Variants in PCDHGA6 observed in about 807,000 individuals in gnomAD.
PCDHGA6 encodes the protein protocadherin gamma subfamily A, 6, also known as protocadherin gamma-A6.
In PCDHGA6, 41 loss-of-function variants were observed where a neutral mutation model predicts 60.6. The observed-to-expected ratio is 0.68, with a 90% CI of 0.53 to 0.88. The LOEUF (loss-of-function observed/expected upper bound fraction) is 0.88. Ranked by LOEUF, PCDHGA6 falls within the 40% of genes least tolerant of loss-of-function variation. The probability of loss-of-function intolerance (pLI) is 0.00; values close to 1 mark genes in which losing one functional copy is unlikely to be tolerated. For synonymous variants in PCDHGA6, 594 were observed against 524.4 expected, an observed-to-expected ratio of 1.13 and a Z score of -1.81; for missense variants, 1,312 against 1,203.0, an observed-to-expected ratio of 1.09 and a Z score of -1.34.
chr5:141,485,734 C>T lies in PCDHGA6; in HGVS notation c.2425-9073C>T. ...CACTGGATGTGAAGAAGCGCAGCGACGGCAGCCTGGTCCCAGAGCTGCTCC... is the reference window on the plus strand; with the variant it reads ...CACTGGATGTGAAGAAGCGCAGCGATGGCAGCCTGGTCCCAGAGCTGCTCC... On this transcript the variant is annotated intron_variant, in intron 1 of 3. Transcript: ENST00000517434. This position sits in a 1 kb window ranked among gnomAD's most constrained non-coding sequence, Gnocchi z 5.7. The T allele has an allele frequency of 6.2e-7, 1 of 1,614,210 alleles. No individual in the cohort carries two copies. The highest frequency in any genetic ancestry group is 8.5e-7 in the Non-Finnish European group (1 of 1,180,028).
At chr5:141,422,292 T>C in intron 1 of PCDHGA6, 1 of 1,552,434 alleles carries the variant, frequency 6.4e-7, no homozygotes. Context: ...CTTCTATTAA[T>C]TCAATTCTGG....
intron 1 of PCDHGA6, chr5:141,394,806 G>A: frequency 6.2e-7 from 1 of 1,613,852 alleles, no homozygotes; most frequent in Non-Finnish European, 8.5e-7. Flanking sequence ...CGTAGCCGTG[G>A]CTGACAGCAT....
chr5:141,390,537 A>G (rs565157857), intron 1 of PCDHGA6: 629 of 520,554 alleles, frequency 1.2e-3, no homozygotes, highest in Non-Finnish European at 1.9e-3. Context: ...GGTTTTAACC[A>G]CAAAGTGAAA....
intron 1 of PCDHGA6, chr5:141,398,921 C>A: frequency 6.2e-7 from 1 of 1,613,962 alleles, no homozygotes; most frequent in African/African-American, 1.3e-5. Flanking sequence ...TTGCAAGTGT[C>A]AGCCACTGAC....
intron 1 of PCDHGA6, chr5:141,389,407 A>C: frequency 6.2e-7 from 1 of 1,613,616 alleles, no homozygotes; most frequent in Non-Finnish European, 8.5e-7. Flanking sequence ...ATAAGCGCGG[A>C]GAGCGGGGTG....
intron 1 of PCDHGA6, among the ~76,000 whole-genome samples, chr5:141,483,631 T>C (rs973545851): frequency 2.7e-5 from 4 of 149,022 alleles, no homozygotes; most frequent in African/African-American, 1.0e-4. Flanking sequence ...TGGGAGAAGG[T>C]ATAGAGGGGT....
chr5:141,468,093 G>C (rs1319825848), intron 1 of PCDHGA6, among the ~76,000 whole-genome samples: 2 of 152,112 alleles, frequency 1.3e-5, no homozygotes, highest in Non-Finnish European at 2.9e-5. Flanking sequence ...GGGAGGTTGA[G>C]GCAGGCAGAT....
intron 2 of PCDHGA6, among the ~76,000 whole-genome samples, chr5:141,500,182 A>T (rs1050067271): frequency 4.6e-5 from 6 of 131,718 alleles, no homozygotes; most frequent in African/African-American, 1.9e-4. Context: ...CTTCATTTTT[A>T]TTTTTATTTA....
chr5:141,419,769 CGGT>C, intron 1 of PCDHGA6: 1 of 1,614,006 alleles, frequency 6.2e-7, no homozygotes, highest in Non-Finnish European at 8.5e-7. Context: ...GACAAGGACT[CGGT>C]CCGCCAGCGC....
chr5:141,383,357 C>A lies in PCDHGA6; in HGVS notation c.2424+6850C>A, dbSNP rs769784659. The A allele has an allele frequency of 9.9e-6, 16 of 1,613,956 alleles. No homozygotes were observed. The South Asian group carries it at 1.8e-4, about 18-fold the overall frequency. ...AATACAGCTCCTGGGGTTCGGTTTC[C>A]GTTAAGCGAGGCTGGGGATCCAGAT... On this transcript the variant is annotated intron_variant, in intron 1 of 3. Transcript: ENST00000517434.
chr5:141,399,018 T>C lies in PCDHGA6; in HGVS notation c.2424+22511T>C. 5 of 1,613,892 alleles carry C rather than the reference T, an allele frequency of 3.1e-6. No individual in the cohort carries two copies. The South Asian group carries it at 3.3e-5, about 11-fold the overall frequency. On this transcript the variant is annotated intron_variant, in intron 1 of 3. Coordinates refer to ENST00000517434, the MANE Select transcript of PCDHGA6 (RefSeq NM_018919.3). ...GTCTGAATTCAAAGAGCGGAGAAATTACCACTCAAAAGAAACTGGATTTTG... is the reference window on the plus strand; with the variant it reads ...GTCTGAATTCAAAGAGCGGAGAAATCACCACTCAAAAGAAACTGGATTTTG...
intron 1 of PCDHGA6, chr5:141,384,201 G>A (rs369190060): frequency 3.7e-6 from 6 of 1,613,802 alleles, no homozygotes; most frequent in Admixed American, 1.7e-5. Flanking sequence ...CCTTGTCCAG[G>A]GAAACTCACA....
chr5:141,495,735 T>C (rs1595351919), intron 2 of PCDHGA6, among the ~76,000 whole-genome samples: 1 of 152,044 alleles, frequency 6.6e-6, no homozygotes, highest in Admixed American at 6.5e-5. Context: ...CCTTAGTCTC[T>C]TTCTCCTTCT....
In PCDHGA6 at chr5:141,490,267, G is replaced by A. The variant is rs765238578; in HGVS notation, c.2425-4540G>A. ...TGTGATTCAAGTGGATGTGGGGGAT[G>A]TCAATGACAATGCCCCAGAGGTGCT... On this transcript the variant is annotated intron_variant, in intron 1 of 3. Transcript: ENST00000517434. The surrounding 1 kb of genome is among the most constrained non-coding windows in gnomAD (Gnocchi z 5.4). The A allele has an allele frequency of 6.2e-7, 1 of 1,614,242 alleles. No homozygotes were observed. The highest frequency in any genetic ancestry group is 1.1e-5 in the South Asian group (1 of 91,084).
intron 1 of PCDHGA6, chr5:141,384,846 C>T: frequency 1.2e-6 from 2 of 1,613,586 alleles, no homozygotes; most frequent in Non-Finnish European, 1.7e-6. Context: ...TCCAGGACCA[C>T]GGTCAGCCTC....
intron 1 of PCDHGA6, chr5:141,427,790 C>G: frequency 6.7e-7 from 1 of 1,482,224 alleles, no homozygotes; most frequent in South Asian, 1.1e-5. Flanking sequence ...TGTCGTCCTA[C>G]GTGTCCGTGA....
chr5:141,375,076 G>C lies in PCDHGA6; in HGVS notation c.993G>C (p.Ala331=). The change falls in exon 1 of 4, where the codon GCG becomes GCC. Residue 331 remains alanine (A), a synonymous_variant. Transcript: ENST00000517434. ...ATGGGCCAGGTCTTCGAGACAGAGC[G>C]AAAGTCTTAATAACTATCTTGGATG... The part of the protein sequence containing the change: ...ARDGPGLRDR[A]KVLITILDVN... 1 of 1,614,010 alleles carries C rather than the reference G, an allele frequency of 6.2e-7. No homozygotes were observed. The highest frequency in any genetic ancestry group is 8.5e-7 in the Non-Finnish European group (1 of 1,179,900).
At chr5:141,496,509 C>A (rs955577717) in intron 2 of PCDHGA6, among the ~76,000 whole-genome samples, 3 of 152,168 alleles carry the variant, frequency 2.0e-5, no homozygotes, top group Non-Finnish European at 4.4e-5. Context: ...GCCACAAGGA[C>A]CCAGGAGCCC....
rs2734872 is a variant in PCDHGA6 at position 141,474,454 on chromosome 5, C to T, written c.2425-20353C>T. On this transcript the variant is annotated intron_variant, in intron 1 of 3. Transcript: ENST00000517434. ...ACACTTTGAGTAGCAAGTGATTGGG[C>T]TATACTCTTTATTCTAAATTCTAAA... Among the ~76,000 whole-genome samples, 6 of 152,308 alleles carry T rather than the reference C, an allele frequency of 3.9e-5. No individual in the cohort carries two copies. The East Asian group carries it at 1.2e-3, about 29-fold the overall frequency.
Sources: gnomAD v4.1 joint callset for allele counts (sites outside exome capture counted in the v4.1 genomes callset) on GRCh38, gnomAD v4.1.1 for gene constraint, Gnocchi (gnomAD v3.1) non-coding constraint, MANE v1.5 for transcripts, NCBI Gene and HGNC (gene_info 2026-07-23, HGNC 2026-07-21) for gene names.